Variants in HTR1F observed in about 807,000 individuals in gnomAD.
HTR1F encodes the protein 5-hydroxytryptamine receptor 1F, also known as 5-hydroxytryptamine (serotonin) receptor 1F, G protein-coupled.
Under a neutral mutation model 24.0 loss-of-function variants are expected in HTR1F, and 17 were observed. The observed-to-expected ratio is 0.71, with a 90% confidence interval of 0.48 to 1.06. HTR1F has a LOEUF of 1.06. Ranked by LOEUF, HTR1F falls within the 50% of genes least tolerant of loss-of-function variation. The pLI, the probability that HTR1F is intolerant of heterozygous loss-of-function variation, is 0.00. For synonymous variants in HTR1F, 186 were observed against 156.8 expected, an observed-to-expected ratio of 1.19 and a Z score of -1.39; for missense variants, 391 against 427.8, an observed-to-expected ratio of 0.91 and a Z score of 0.76.
chr3:87,930,808 T>C (rs1241947270), intron 2 of HTR1F, among the ~76,000 whole-genome samples: 4 of 152,186 alleles, frequency 2.6e-5, no homozygotes, highest in South Asian at 2.1e-4. Context: ...TATGAGCTAC[T>C]ACTACTATTT....
At chr3:87,873,106 A>G (rs1705594230) in intron 2 of HTR1F, among the ~76,000 whole-genome samples, 1 of 136,470 alleles carries the variant, frequency 7.3e-6, no homozygotes, top group Admixed American at 7.3e-5. Context: ...ACACACACAC[A>G]CACACACACA....
At chr3:87,796,209 TG>T (rs1220048668) in intron 1 of HTR1F, among the ~76,000 whole-genome samples, 2 of 127,882 alleles carry the variant, frequency 1.6e-5, no homozygotes, top group East Asian at 1.9e-4. Context: ...GAGGCAAAGG[TG>T]ACAAGACTTG....
chr3:87,809,879 G>A (rs1704132085), intron 1 of HTR1F, among the ~76,000 whole-genome samples: 1 of 151,770 alleles, frequency 6.6e-6, no homozygotes, highest in Admixed American at 6.6e-5. Flanking sequence ...AAGTTTGTGG[G>A]CCTGAGTCAT....
intron 2 of HTR1F, among the ~76,000 whole-genome samples, chr3:87,916,081 G>T (rs1444807591): frequency 6.6e-6 from 1 of 151,912 alleles, no homozygotes; most frequent in Non-Finnish European, 1.5e-5. Context: ...CAATTATCAG[G>T]CAAGAAATTT....
At chr3:87,938,338 A>T (rs917266125) in intron 2 of HTR1F, among the ~76,000 whole-genome samples, 6 of 152,234 alleles carry the variant, frequency 3.9e-5, no homozygotes, top group African/African-American at 1.4e-4. Flanking sequence ...ATAAAAAATC[A>T]GTATCATTAA....
chr3:87,944,228 G>A (rs1270214376), intron 2 of HTR1F, among the ~76,000 whole-genome samples: 1 of 152,156 alleles, frequency 6.6e-6, no homozygotes, highest in Non-Finnish European at 1.5e-5. Context: ...GGGTTCCAGA[G>A]TATTTCATAA....
At chr3:87,981,318 C>T (rs1705538145) in intron 2 of HTR1F, among the ~76,000 whole-genome samples, 1 of 152,216 alleles carries the variant, frequency 6.6e-6, no homozygotes, top group African/African-American at 2.4e-5. Flanking sequence ...CCTCAGCCTC[C>T]TGAGTAGCTG....
At chr3:87,929,809 T>TA (rs1278055376) in intron 2 of HTR1F, among the ~76,000 whole-genome samples, 1 of 152,210 alleles carries the variant, frequency 6.6e-6, no homozygotes, top group African/African-American at 2.4e-5. Context: ...ATATGAATTT[T>TA]AAAATAGTTT....
intron 2 of HTR1F, among the ~76,000 whole-genome samples, chr3:87,850,079 A>G (rs1186913725): frequency 4.6e-5 from 7 of 151,920 alleles, no homozygotes; most frequent in Non-Finnish European, 1.0e-4. Flanking sequence ...AACTAGAAAT[A>G]CCGTTTGACC....
chr3:87,973,504 C>A (rs2107499726), intron 2 of HTR1F, among the ~76,000 whole-genome samples: 1 of 152,276 alleles, frequency 6.6e-6, no homozygotes, highest in African/African-American at 2.4e-5. Flanking sequence ...TCCTCCCAGG[C>A]AAAACTGCTA....
chr3:87,805,419 G>C (rs1000935126), intron 1 of HTR1F, among the ~76,000 whole-genome samples: 2 of 151,992 alleles, frequency 1.3e-5, no homozygotes, highest in African/African-American at 4.8e-5. Context: ...TTGTCAATAA[G>C]TTTTATAACT....
chr3:87,795,679 C>A (rs1703892558), intron 1 of HTR1F, among the ~76,000 whole-genome samples: 1 of 152,168 alleles, frequency 6.6e-6, no homozygotes, highest in African/African-American at 2.4e-5. Flanking sequence ...GGAAACCTTA[C>A]TTTTCCATTC....
chr3:87,929,742 C>T (rs1704215952), intron 2 of HTR1F, among the ~76,000 whole-genome samples: 1 of 152,140 alleles, frequency 6.6e-6, no homozygotes, highest in Non-Finnish European at 1.5e-5. Flanking sequence ...ATCATGCCTC[C>T]AGCTTTGCTC....
chr3:87,820,229 T>A (rs1166373675), intron 1 of HTR1F, among the ~76,000 whole-genome samples: 2 of 143,790 alleles, frequency 1.4e-5, no homozygotes, highest in South Asian at 2.2e-4. Flanking sequence ...CAGGCTGGAG[T>A]GCAGTGGCAG....
At chr3:87,850,083 T>G (rs1289118645) in intron 2 of HTR1F, among the ~76,000 whole-genome samples, 1 of 151,966 alleles carries the variant, frequency 6.6e-6, no homozygotes, top group Non-Finnish European at 1.5e-5. Flanking sequence ...AGAAATACCG[T>G]TTGACCCAGC....
intron 2 of HTR1F, among the ~76,000 whole-genome samples, chr3:87,942,450 C>A (rs565853192): frequency 1.3e-5 from 2 of 152,120 alleles, no homozygotes; most frequent in Non-Finnish European, 2.9e-5. Context: ...GTGACGGCAT[C>A]GGCTGGCGCT....
chr3:87,844,024 G>A (rs557654889), intron 2 of HTR1F, among the ~76,000 whole-genome samples: 2,827 of 149,208 alleles, frequency 0.019, 114 homozygotes, highest in African/African-American at 0.067. Context: ...ATGATTTATA[G>A]TCCTTTGGGT....
At chr3:87,848,163 C>T (rs1393913024) in intron 2 of HTR1F, among the ~76,000 whole-genome samples, 1 of 151,850 alleles carries the variant, frequency 6.6e-6, no homozygotes, top group Admixed American at 6.6e-5. Flanking sequence ...TTCAGCACAT[C>T]CTTGCCATCA....
intron 2 of HTR1F, among the ~76,000 whole-genome samples, chr3:87,931,780 G>A (rs527647280): frequency 1.3e-5 from 2 of 149,814 alleles, no homozygotes; most frequent in South Asian, 4.2e-4. Context: ...GTTTTGATTT[G>A]CATTTCTCTG....
Sources: allele counts gnomAD v4.1 joint callset (sites outside exome capture counted in the v4.1 genomes callset), GRCh38; gene constraint gnomAD v4.1.1; transcripts MANE v1.5; gene names NCBI Gene and HGNC (gene_info 2026-07-23, HGNC 2026-07-21).